Variants in CAMK1D observed in about 807,000 individuals in gnomAD.
CAMK1D encodes calcium/calmodulin-dependent protein kinase type 1D.
Under a neutral mutation model 47.7 loss-of-function variants are expected in CAMK1D, and 9 were observed. The ratio of observed to expected loss-of-function variants is 0.19; its 90% CI spans 0.11 to 0.33. The LOEUF (loss-of-function observed/expected upper bound fraction) is 0.33, where lower values mean the gene tolerates loss of function less well. Among genes scored for constraint, CAMK1D ranks in the 10% least tolerant of loss-of-function variants. The pLI is 1.00. For synonymous variants in CAMK1D, 184 were observed against 184.9 expected, an observed-to-expected ratio of 0.99 and a Z score of 0.04; for missense variants, 291 against 488.7, an observed-to-expected ratio of 0.60 and a Z score of 3.81.
intron 5 of CAMK1D, among the ~76,000 whole-genome samples, chr10:12,781,959 T>C (rs1837516221): frequency 6.8e-6 from 1 of 147,548 alleles, no homozygotes; most frequent in African/African-American, 2.5e-5. Context: ...GGTGATATGT[T>C]TTTAATTTAA....
At chr10:12,734,227 C>T (rs1835024915) in intron 3 of CAMK1D, among the ~76,000 whole-genome samples, 1 of 143,058 alleles carries the variant, frequency 7.0e-6, no homozygotes, top group Non-Finnish European at 1.5e-5. Flanking sequence ...AAGGCTGAAA[C>T]AGGAGAATCG....
intron 1 of CAMK1D, among the ~76,000 whole-genome samples, chr10:12,473,332 G>A (rs1833805274): frequency 1.3e-5 from 2 of 152,132 alleles, no homozygotes; most frequent in Non-Finnish European, 1.5e-5. Flanking sequence ...TACTCGGAAG[G>A]CTGAGGCAGG....
At chr10:12,398,466 A>C (rs1839048327) in intron 1 of CAMK1D, among the ~76,000 whole-genome samples, 2 of 152,186 alleles carry the variant, frequency 1.3e-5, no homozygotes. Flanking sequence ...CTCCTGCCTC[A>C]GACTCCTGAG....
At chr10:12,491,824 A>G (rs1588549335) in intron 1 of CAMK1D, among the ~76,000 whole-genome samples, 1 of 152,062 alleles carries the variant, frequency 6.6e-6, no homozygotes, top group East Asian at 1.9e-4. Context: ...GTCTCACACC[A>G]TCACCCAGGC....
intron 5 of CAMK1D, among the ~76,000 whole-genome samples, chr10:12,776,425 A>T (rs1304333919): frequency 6.6e-6 from 1 of 152,156 alleles, no homozygotes; most frequent in Non-Finnish European, 1.5e-5. Flanking sequence ...CCCTGGAACT[A>T]TGTGCAGTCG....
intron 2 of CAMK1D, among the ~76,000 whole-genome samples, chr10:12,579,076 T>TG (rs1324521976): frequency 6.6e-6 from 1 of 150,862 alleles, no homozygotes; most frequent in Admixed American, 6.6e-5. Flanking sequence ...ACCGAGAAAT[T>TG]GAACAGAGCT....
chr10:12,444,200 C>T lies in CAMK1D; in HGVS notation c.92+94290C>T, dbSNP rs1411926095. Among the ~76,000 whole-genome samples, 4 of 152,066 alleles carry T rather than the reference C, an allele frequency of 2.6e-5. No homozygotes were observed. The East Asian group carries it at 7.7e-4, about 29-fold the overall frequency. ...TATGACCTGTGTTTTGTGCCAATCT[C>T]CTATCTTATTCTGTGACTTGGAATG... is the stretch of plus-strand genomic sequence containing the variant. On this transcript the variant is annotated intron_variant, in intron 1 of 10. Transcript: ENST00000619168.
chr10:12,380,680 C>A (rs1017342997), intron 1 of CAMK1D, among the ~76,000 whole-genome samples: 9 of 152,246 alleles, frequency 5.9e-5, no homozygotes, highest in African/African-American at 2.2e-4. Flanking sequence ...CACGGTGAAA[C>A]CCCATCTCTA....
At chr10:12,430,182 C>G (rs954445037) in intron 1 of CAMK1D, among the ~76,000 whole-genome samples, 3 of 152,138 alleles carry the variant, frequency 2.0e-5, no homozygotes, top group Non-Finnish European at 4.4e-5. Flanking sequence ...CAATCCTGCT[C>G]GTTTGGGATT....
chr10:12,375,051 C>T (rs2131863117), intron 1 of CAMK1D, among the ~76,000 whole-genome samples: 1 of 152,096 alleles, frequency 6.6e-6, no homozygotes, highest in Non-Finnish European at 1.5e-5. Context: ...CCCACCTCGG[C>T]CTTCCAAAGT....
chr10:12,486,648 C>T (rs2132110525), intron 1 of CAMK1D, among the ~76,000 whole-genome samples: 1 of 152,330 alleles, frequency 6.6e-6, no homozygotes, highest in Admixed American at 6.5e-5. Context: ...ATGCCAGCTT[C>T]TCTGTTACAA....
chr10:12,643,515 A>T (rs546838530), intron 2 of CAMK1D, among the ~76,000 whole-genome samples: 1 of 152,272 alleles, frequency 6.6e-6, no homozygotes, highest in South Asian at 2.1e-4. Flanking sequence ...TGGCGGCCTT[A>T]GATTCTCGCA....
At chr10:12,692,765 C>G (rs1047163854) in intron 3 of CAMK1D, among the ~76,000 whole-genome samples, 1 of 152,152 alleles carries the variant, frequency 6.6e-6, no homozygotes, top group African/African-American at 2.4e-5. Context: ...GTAGGAAAGT[C>G]AGACAAAGGA....
chr10:12,500,240 T>C (rs1384953168), intron 1 of CAMK1D, among the ~76,000 whole-genome samples: 1 of 152,190 alleles, frequency 6.6e-6, no homozygotes, highest in Non-Finnish European at 1.5e-5. Context: ...TACTCCAGCC[T>C]GGGCAATAAG....
At chr10:12,440,217 G>A (rs1832745801) in intron 1 of CAMK1D, among the ~76,000 whole-genome samples, 1 of 152,004 alleles carries the variant, frequency 6.6e-6, no homozygotes, top group South Asian at 2.1e-4. Flanking sequence ...AGTCTTACTT[G>A]CATTATGTTG....
At position 12,831,527 on chromosome 10, in the gene CAMK1D, A is replaced by G. The variant is rs1833418467; in HGVS notation, c.*2640A>G. ...AGCAGATACATGTGGTGCATGTTAT[A>G]TGCACTTAGTTTGAAAGTATCCCTC... On this transcript the variant is annotated 3_prime_UTR_variant, in exon 11 of 11. Coordinates refer to ENST00000619168, the MANE Select transcript of CAMK1D (RefSeq NM_153498.4). The G allele has an allele frequency of 6.6e-6, 1 of 152,232 alleles. No individual in the cohort carries two copies. The allele number at this position is 152,232 out of a possible 1,614,324, so 9.4% of individuals were successfully genotyped here.
At chr10:12,797,823 T>A (rs565946195) in intron 6 of CAMK1D, among the ~76,000 whole-genome samples, 1 of 152,236 alleles carries the variant, frequency 6.6e-6, no homozygotes, top group African/African-American at 2.4e-5. Flanking sequence ...TATTTCAGCT[T>A]TGTTAAGCTG....
intron 3 of CAMK1D, among the ~76,000 whole-genome samples, chr10:12,691,281 A>G (rs1832866769): frequency 6.7e-6 from 1 of 149,876 alleles, no homozygotes; most frequent in South Asian, 2.1e-4. Context: ...ATCAATTGGC[A>G]CTTGTTCATG....
chr10:12,455,489 T>A (rs1833215820), intron 1 of CAMK1D, among the ~76,000 whole-genome samples: 1 of 152,260 alleles, frequency 6.6e-6, no homozygotes, highest in Admixed American at 6.5e-5. Flanking sequence ...ATCACGGTTC[T>A]GACTGTTGTC....
Sources: allele counts gnomAD v4.1 joint callset (sites outside exome capture counted in the v4.1 genomes callset), GRCh38; gene constraint gnomAD v4.1.1; transcripts MANE v1.5; gene names NCBI Gene and HGNC (gene_info 2026-07-23, HGNC 2026-07-21).